AOPEP: variants seen among roughly 807,000 people sequenced by gnomAD.
The protein encoded by AOPEP is aminopeptidase O (putative), also known as aminopeptidase O.
In AOPEP, 77 loss-of-function variants were observed where a neutral mutation model predicts 98.1. The observed-to-expected ratio is 0.78, with a 90% CI of 0.65 to 0.95. The LOEUF is 0.95. AOPEP is among the 40% of genes least tolerant of loss of function. AOPEP has a pLI of 0.00. For missense variants in AOPEP, 1,024 were observed against 1,024.7 expected (o/e 1.00, Z 0.01); for synonymous variants, 346 against 365.3 (o/e 0.95, Z 0.60).
chr9:95,044,116 G>A (rs1011693379), intron 13 of AOPEP, among the ~76,000 whole-genome samples: 2 of 152,174 alleles, frequency 1.3e-5, no homozygotes, highest in South Asian at 2.1e-4. Flanking sequence ...CAGAGCTGCC[G>A]AGGTTAAGCT....
chr9:94,806,788 G>A (rs1187115385), intron 5 of AOPEP, among the ~76,000 whole-genome samples: 2 of 152,140 alleles, frequency 1.3e-5, no homozygotes, highest in African/African-American at 4.8e-5. Flanking sequence ...TATTTTGTTC[G>A]TCTTGACAAT....
intron 5 of AOPEP, among the ~76,000 whole-genome samples, chr9:94,814,612 G>C (rs1278669162): frequency 6.6e-6 from 1 of 152,226 alleles, no homozygotes; most frequent in African/African-American, 2.4e-5. Flanking sequence ...GGCCATCCCT[G>C]AAGCCCTGAG....
intron 5 of AOPEP, among the ~76,000 whole-genome samples, chr9:94,823,132 G>C (rs1009045611): frequency 1.3e-5 from 2 of 152,132 alleles, no homozygotes; most frequent in Non-Finnish European, 2.9e-5. Context: ...GAGTAGCTGG[G>C]ATTACAGGCA....
At chr9:94,804,294 TCAG>T (rs1848786443) in intron 5 of AOPEP, among the ~76,000 whole-genome samples, 1 of 152,248 alleles carries the variant, frequency 6.6e-6, no homozygotes. Flanking sequence ...CATTTGTCTC[TCAG>T]CAGTTCACAA....
the AOPEP span, among the ~76,000 whole-genome samples, chr9:95,122,424 C>T: frequency 6.6e-6 from 1 of 152,130 alleles, no homozygotes; most frequent in African/African-American, 2.4e-5. Flanking sequence ...CACTCAGGTC[C>T]AGCTCTAGGA....
At chr9:94,816,915 C>T (rs977206172) in intron 5 of AOPEP, among the ~76,000 whole-genome samples, 1 of 152,206 alleles carries the variant, frequency 6.6e-6, no homozygotes, top group African/African-American at 2.4e-5. Flanking sequence ...TGTTTCAGTT[C>T]AATTCTCCTG....
chr9:94,996,149 C>T (rs921725887), intron 11 of AOPEP, among the ~76,000 whole-genome samples: 1 of 152,086 alleles, frequency 6.6e-6, no homozygotes, highest in African/African-American at 2.4e-5. Flanking sequence ...TTTCATCCAC[C>T]GCTGGAGAAA....
At chr9:95,139,838 A>ATATATATATATAAATATATATATT in the AOPEP span, among the ~76,000 whole-genome samples, 1 of 147,002 alleles carries the variant, frequency 6.8e-6, no homozygotes, top group African/African-American at 2.5e-5. Context: ...ATATATTTAT[A>ATATATATATATAAATATATATATT]TATATATATA....
intron 5 of AOPEP, among the ~76,000 whole-genome samples, chr9:94,832,421 C>T (rs1030149748): frequency 6.6e-6 from 1 of 152,200 alleles, no homozygotes; most frequent in African/African-American, 2.4e-5. Flanking sequence ...AACGTACTCT[C>T]TTGGAGTTGC....
chr9:94,902,838 C>T (rs2050593645), intron 5 of AOPEP, among the ~76,000 whole-genome samples: 1 of 151,644 alleles, frequency 6.6e-6, no homozygotes, highest in Admixed American at 6.6e-5. Context: ...GGCAGATCAC[C>T]TGAGGTTGGG....
the AOPEP span, among the ~76,000 whole-genome samples, chr9:95,132,005 A>G: frequency 3.9e-5 from 6 of 152,244 alleles, no homozygotes; most frequent in Non-Finnish European, 8.8e-5. Context: ...ATTAAGCCAT[A>G]AAGATTTTTA....
At chr9:94,792,638 C>A in intron 3 of AOPEP, 127 bp from the exon 4 acceptor site, 1 of 871,656 alleles carries the variant, frequency 1.1e-6, no homozygotes, top group Non-Finnish European at 1.7e-6. Context: ...CTGACGTGAC[C>A]GACCTCCAAG....
At chr9:95,144,224 A>C in the AOPEP span, among the ~76,000 whole-genome samples, 28 of 152,224 alleles carry the variant, frequency 1.8e-4, no homozygotes, top group Non-Finnish European at 3.2e-4. Flanking sequence ...CGCCTACGGG[A>C]AAGTGTCCAT....
At chr9:94,892,868 G>A (rs1219751111) in intron 5 of AOPEP, among the ~76,000 whole-genome samples, 2 of 152,060 alleles carry the variant, frequency 1.3e-5, no homozygotes, top group Non-Finnish European at 1.5e-5. Context: ...TACAGGCCAC[G>A]TCACCTGACT....
chr9:94,962,223 T>C (rs1014389258), intron 9 of AOPEP, among the ~76,000 whole-genome samples: 4 of 152,226 alleles, frequency 2.6e-5, no homozygotes, highest in African/African-American at 9.6e-5. Context: ...GTGACAGCCC[T>C]AGAACATGAG....
chr9:94,967,308 A>G lies in AOPEP; in HGVS notation c.1873-450A>G, dbSNP rs73540068. On this transcript the variant is annotated intron_variant, in intron 9 of 16. Transcript: ENST00000375315. ...GGACATCTTTGTTCCTTGATGGCAT[A>G]TTTATCATCTTGATATTTATCTTTA... Among the ~76,000 whole-genome samples, 903 of 152,252 alleles carry G rather than the reference A, an allele frequency of 5.9e-3. 4 individuals are homozygous for G. Among genetic ancestry groups the G allele is most frequent in the Middle Eastern group, 0.031 (9 of 294 alleles).
chr9:94,815,277 C>G (rs10821398), intron 5 of AOPEP, among the ~76,000 whole-genome samples: 63,801 of 151,956 alleles, frequency 0.42, 13,786 homozygotes, highest in East Asian at 0.51. Flanking sequence ...TCATGAGTTA[C>G]CATATAGTTT....
At chr9:94,997,531 CTT>C (rs1368947340) in intron 11 of AOPEP, among the ~76,000 whole-genome samples, 2 of 152,144 alleles carry the variant, frequency 1.3e-5, no homozygotes, top group Non-Finnish European at 2.9e-5. Flanking sequence ...GGTGGAGGTG[CTT>C]CAGAAATGAC....
At chr9:94,812,435 C>T (rs547983820) in intron 5 of AOPEP, among the ~76,000 whole-genome samples, 10 of 152,248 alleles carry the variant, frequency 6.6e-5, no homozygotes, top group Non-Finnish European at 1.0e-4. Context: ...CACACTGTCT[C>T]GCTCCAAGGG....
Sources: gnomAD v4.1 joint callset for allele counts (sites outside exome capture counted in the v4.1 genomes callset) on GRCh38, gnomAD v4.1.1 for gene constraint, MANE v1.5 for transcripts, NCBI Gene and HGNC (gene_info 2026-07-23, HGNC 2026-07-21) for gene names.